The following NTRK3 variants were observed in gnomAD, a reference collection of about 807,000 sequenced individuals.
NTRK3 encodes NT-3 growth factor receptor.
Under a neutral mutation model 91.7 loss-of-function variants are expected in NTRK3, and 24 were observed. That is an observed-to-expected ratio of 0.26 (90% CI 0.19 to 0.37). The LOEUF (loss-of-function observed/expected upper bound fraction) is 0.37, where lower values mean the gene tolerates loss of function less well. NTRK3 is among the 10% of genes least tolerant of loss of function. NTRK3 has a pLI of 1.00. For synonymous variants in NTRK3, 483 were observed against 404.0 expected (o/e 1.20, Z -2.34); for missense variants, 880 against 1,068.9 (o/e 0.82, Z 2.46).
chr15:87,989,011 G>A (rs1208878947), intron 14 of NTRK3, among the ~76,000 whole-genome samples: 1 of 151,922 alleles, frequency 6.6e-6, no homozygotes, highest in Non-Finnish European at 1.5e-5. Context: ...TTCACCTCCT[G>A]GGTCCAACAG....
At chr15:87,913,459 C>G (rs1207360264) in intron 17 of NTRK3, among the ~76,000 whole-genome samples, 1 of 152,092 alleles carries the variant, frequency 6.6e-6, no homozygotes, top group Non-Finnish European at 1.5e-5. Flanking sequence ...TGCCACCAAT[C>G]CTCTTTTCTA....
intron 17 of NTRK3, among the ~76,000 whole-genome samples, chr15:87,910,973 C>G (rs762567522): frequency 6.6e-6 from 1 of 152,104 alleles, no homozygotes; most frequent in Non-Finnish European, 1.5e-5. Context: ...AAAATTAAGA[C>G]AGAAGATGAA....
chr15:88,046,984 T>C (rs77070232), intron 13 of NTRK3, among the ~76,000 whole-genome samples: 282 of 152,304 alleles, frequency 1.9e-3, no homozygotes, highest in African/African-American at 6.4e-3. Context: ...TACCTGCTCC[T>C]GTCTACGTGC....
chr15:87,866,959 T>G (rs752730728), exon 19 of NTRK3: 3 of 215,666 alleles, frequency 1.4e-5, no homozygotes, highest in African/African-American at 6.8e-5. Context: ...CTAGAAAAAA[T>G]GAAAATTATG....
Position 88,255,796 on chromosome 15 carries a change from C to G in NTRK3, c.248+110G>C, listed in dbSNP as rs924874598. The G allele has an allele frequency of 6.7e-6, 6 of 901,370 alleles. No homozygotes were observed. Among genetic ancestry groups the G allele is most frequent in the Non-Finnish European group, 9.0e-6 (6 of 668,306 alleles). The allele number at this position is 901,370 out of a possible 1,614,324, so 55.8% of individuals were successfully genotyped here. ...AGCCTGACGCGCGCCCAGCGGGCGG[C>G]GGGCAGCGGCGAGCTGGGGCGGGCG... is the stretch of plus-strand genomic sequence containing the variant. On this transcript the variant is annotated intron_variant, in intron 3 of 18. Coordinates refer to ENST00000394480, the Ensembl canonical transcript of NTRK3. This position sits in a 1 kb window ranked among gnomAD's most constrained non-coding sequence, Gnocchi z 4.3.
At chr15:87,881,442 C>T (rs951014167) in intron 17 of NTRK3, among the ~76,000 whole-genome samples, 1 of 126,492 alleles carries the variant, frequency 7.9e-6, no homozygotes, top group East Asian at 2.7e-4. Flanking sequence ...TATTTTGAGA[C>T]GGAGTCTCGC....
chr15:88,067,466 A>G (rs565226649), intron 13 of NTRK3, among the ~76,000 whole-genome samples: 1 of 152,176 alleles, frequency 6.6e-6, no homozygotes, highest in African/African-American at 2.4e-5. Context: ...TTAACCCTCA[A>G]ACTGGGACAG....
chr15:88,093,311 G>A (rs934374771), intron 13 of NTRK3, among the ~76,000 whole-genome samples: 2 of 152,058 alleles, frequency 1.3e-5, no homozygotes, highest in African/African-American at 4.8e-5. Flanking sequence ...AAAGGGAGGG[G>A]GGAAGGAAGA....
In NTRK3 at chr15:88,137,390, G is replaced by A. The variant is rs373260095; in HGVS notation, c.622+14C>T. Reference sequence around the variant, plus strand: ...CTCCCTGGAGCCAGCTGGGCCAGGCGGCCACTCACTCACCACACTGACTGA... The same window carrying A: ...CTCCCTGGAGCCAGCTGGGCCAGGCAGCCACTCACTCACCACACTGACTGA... On this transcript the variant is annotated intron_variant, in intron 7 of 18. Coordinates refer to ENST00000394480, the Ensembl canonical transcript of NTRK3. 3.7e-5 allele frequency: 60 copies of A among 1,612,830 alleles called. No homozygotes were observed. In the East Asian group the frequency reaches 4.2e-4, roughly 11 times the overall value.
chr15:87,935,043 G>A (rs760759527), intron 15 of NTRK3, among the ~76,000 whole-genome samples: 20 of 152,250 alleles, frequency 1.3e-4, no homozygotes, highest in Non-Finnish European at 2.6e-4. Context: ...TTCAGGATGG[G>A]GAAGTAACTT....
chr15:87,935,866 C>T (rs2069231142), intron 15 of NTRK3, among the ~76,000 whole-genome samples: 1 of 152,214 alleles, frequency 6.6e-6, no homozygotes, highest in Non-Finnish European at 1.5e-5. Flanking sequence ...AAGCAACCAC[C>T]ATTACTTTCA....
In NTRK3 at chr15:87,882,405, A is replaced by G. The variant is rs192400706; in HGVS notation, c.2134-1977T>C. Among the ~76,000 whole-genome samples, 10 of 152,300 alleles carry G rather than the reference A, an allele frequency of 6.6e-5. No homozygotes were observed. In the East Asian group the frequency reaches 1.9e-3, roughly 29 times the overall value. ...AGCTATGCAATTATTGGAACATAAC[A>G]AAAAATGCAGAGCAAATAAGCCACA... On this transcript the variant is annotated intron_variant, in intron 17 of 18. Transcript: ENST00000394480.
intron 14 of NTRK3, among the ~76,000 whole-genome samples, chr15:87,994,052 T>C (rs779945692): frequency 5.3e-5 from 8 of 151,894 alleles, no homozygotes; most frequent in African/African-American, 9.7e-5. Context: ...CACTGGTGAG[T>C]GGCAAGAGAG....
At chr15:87,919,586 G>A (rs1167863533) in intron 17 of NTRK3, among the ~76,000 whole-genome samples, 1 of 152,160 alleles carries the variant, frequency 6.6e-6, no homozygotes, top group African/African-American at 2.4e-5. Context: ...CTCTAGAAAG[G>A]GTGGAGGTAT....
At chr15:87,911,273 G>C (rs2141739645) in intron 17 of NTRK3, among the ~76,000 whole-genome samples, 1 of 152,284 alleles carries the variant, frequency 6.6e-6, no homozygotes, top group South Asian at 2.1e-4. Flanking sequence ...ATATATACTT[G>C]ACACAGTTCC....
chr15:88,020,500 T>C (rs1455601588), intron 14 of NTRK3, among the ~76,000 whole-genome samples: 1 of 152,212 alleles, frequency 6.6e-6, no homozygotes, highest in Non-Finnish European at 1.5e-5. Flanking sequence ...TATTTTTCAG[T>C]ACCATCAAGC....
At chr15:87,980,519 G>A (rs1358135695) in intron 14 of NTRK3, among the ~76,000 whole-genome samples, 2 of 152,146 alleles carry the variant, frequency 1.3e-5, no homozygotes, top group Non-Finnish European at 2.9e-5. Flanking sequence ...GCGAATATAT[G>A]TGTGTGTACA....
intron 13 of NTRK3, among the ~76,000 whole-genome samples, chr15:88,034,970 C>G (rs2078941168): frequency 6.6e-6 from 1 of 152,174 alleles, no homozygotes; most frequent in Middle Eastern, 3.2e-3. Context: ...CTCTTTCCCT[C>G]CTCAAACATA....
intron 3 of NTRK3, among the ~76,000 whole-genome samples, chr15:88,218,109 T>A (rs995372061): frequency 6.6e-6 from 1 of 151,888 alleles, no homozygotes; most frequent in East Asian, 1.9e-4. Flanking sequence ...TTCCCCCGAG[T>A]TGAATGCAGG....
Sources: allele counts gnomAD v4.1 joint callset (sites outside exome capture counted in the v4.1 genomes callset), GRCh38; gene constraint gnomAD v4.1.1; non-coding constraint Gnocchi (gnomAD v3.1); transcripts MANE v1.5; gene names NCBI Gene and HGNC (gene_info 2026-07-23, HGNC 2026-07-21).